The following FYB2 variants were observed in gnomAD, a reference collection of about 807,000 sequenced individuals.
FYB2 encodes FYN-binding protein 2.
A neutral mutation model predicts 94.1 loss-of-function variants in FYB2; 103 were observed. The observed-to-expected ratio is 1.09, with a 90% CI of 0.93 to 1.29. FYB2 has a LOEUF of 1.29. Among genes scored for constraint, FYB2 ranks in the 50% most tolerant of loss-of-function variants. FYB2 has a pLI of 0.00. For missense variants in FYB2, 896 were observed against 841.5 expected, an observed-to-expected ratio of 1.06 and a Z score of -0.80; for synonymous variants, 293 against 287.9, an observed-to-expected ratio of 1.02 and a Z score of -0.18.
At chr1:56,740,662 C>G (rs753887809) in intron 13 of FYB2, 35 bp downstream of exon 13, 1 of 1,274,752 alleles carries the variant, frequency 7.8e-7, no homozygotes, top group Non-Finnish European at 1.1e-6. Context: ...CCAGGTTAAT[C>G]CCCTCGTGGA....
chr1:56,756,024 G>T, intron 6 of FYB2, 97 bp from the exon 7 acceptor site: 2 of 1,200,668 alleles, frequency 1.7e-6, no homozygotes, highest in Non-Finnish European at 1.2e-6. Context: ...CAAAAGGTGA[G>T]GGGGATGAAG....
intron 4 of FYB2, among the ~76,000 whole-genome samples, chr1:56,768,868 A>T (rs540396650): frequency 6.6e-6 from 1 of 152,304 alleles, no homozygotes; most frequent in Non-Finnish European, 1.5e-5. Flanking sequence ...GAAGAATAAA[A>T]GCCATTAGGT....
chr1:56,735,695 G>A (rs949298444), intron 15 of FYB2, among the ~76,000 whole-genome samples: 9 of 151,922 alleles, frequency 5.9e-5, no homozygotes, highest in African/African-American at 1.9e-4. Context: ...TTTATAAGGG[G>A]TTCTTTCCCC....
intron 4 of FYB2, among the ~76,000 whole-genome samples, chr1:56,768,184 C>T (rs1557629604): frequency 6.6e-6 from 1 of 152,036 alleles, no homozygotes; most frequent in Non-Finnish European, 1.5e-5. Flanking sequence ...TCCCCAGGTG[C>T]CAGACATACA....
At chr1:56,818,008 T>G (rs192995524) in intron 1 of FYB2, among the ~76,000 whole-genome samples, 2 of 152,198 alleles carry the variant, frequency 1.3e-5, no homozygotes, top group South Asian at 4.1e-4. Flanking sequence ...TAGACCACAC[T>G]GTATTGTCAT....
At chr1:56,743,350 A>T (rs11206911) in intron 11 of FYB2, among the ~76,000 whole-genome samples, 22,185 of 152,046 alleles carry the variant, frequency 0.15, 1,764 homozygotes, top group East Asian at 0.33. Context: ...TTAAAAAGTC[A>T]CATAAGTATA....
At chr1:56,791,964 T>C in intron 2 of FYB2, 92 bp downstream of exon 2, 2 of 1,484,100 alleles carry the variant, frequency 1.3e-6, no homozygotes, top group Admixed American at 2.4e-5. Context: ...TCCCAGGTCA[T>C]ATACATAACC....
upstream of FYB2, among the ~76,000 whole-genome samples, chr1:56,821,360 T>C (rs146118914): frequency 6.0e-3 from 890 of 149,090 alleles, 6 homozygotes; most frequent in Non-Finnish European, 8.9e-3. Flanking sequence ...GCACTAATCA[T>C]TGGTAGCTGT....
chr1:56,739,044 A>C (rs998831099), intron 13 of FYB2, among the ~76,000 whole-genome samples: 1 of 152,060 alleles, frequency 6.6e-6, no homozygotes, highest in Non-Finnish European at 1.5e-5. Context: ...AGAGTCTGAG[A>C]TCTATAGCTA....
chr1:56,725,108 A>C (rs1644558288), intron 16 of FYB2, among the ~76,000 whole-genome samples: 1 of 152,032 alleles, frequency 6.6e-6, no homozygotes, highest in African/African-American at 2.4e-5. Context: ...CCTTCACCGA[A>C]GCAGATGCCA....
chr1:56,746,593 T>C (rs111853364), intron 9 of FYB2, among the ~76,000 whole-genome samples: 295 of 152,180 alleles, frequency 1.9e-3, no homozygotes, highest in African/African-American at 6.9e-3. Context: ...TTCAATATTA[T>C]GTTTGTGAGA....
At position 56,719,542 on chromosome 1, in the gene FYB2, G is replaced by T; in HGVS notation, c.*129C>A. On this transcript the variant is annotated 3_prime_UTR_variant, in exon 20 of 20. Transcript: ENST00000343433. ...TTTTTATTTTTCTCTTTTAAGTTCA[G>T]AACGAAAGTTTCCACAGATTCCACC... is the stretch of plus-strand genomic sequence containing the variant. The T allele has an allele frequency of 1.3e-6, 1 of 777,432 alleles. No homozygotes were observed. Among genetic ancestry groups the T allele is most frequent in the South Asian group, 2.1e-5 (1 of 46,906 alleles). The allele number at this position is 777,432 out of a possible 1,614,324, so 48.2% of individuals were successfully genotyped here. A position where few individuals can be genotyped will look rare whatever the true frequency, so the allele number is the denominator to read the frequency against.
chr1:56,765,715 G>A (rs543464393), intron 5 of FYB2, among the ~76,000 whole-genome samples: 1 of 152,214 alleles, frequency 6.6e-6, no homozygotes, highest in East Asian at 1.9e-4. Flanking sequence ...TGACATATTC[G>A]AGGCAAGAAG....
At chr1:56,783,217 A>T (rs2100912432) in intron 4 of FYB2, among the ~76,000 whole-genome samples, 1 of 152,312 alleles carries the variant, frequency 6.6e-6, no homozygotes, top group South Asian at 2.1e-4. Context: ...GATGACAATA[A>T]AGTAAATAAT....
In FYB2 at chr1:56,719,412, A is replaced by G. The variant is rs766340382; in HGVS notation, c.*259T>C. The G allele has an allele frequency of 4.8e-6, 2 of 414,282 alleles. No individual in the cohort carries two copies. Among genetic ancestry groups the G allele is most frequent in the Non-Finnish European group, 8.6e-6 (2 of 232,860 alleles). The allele number at this position is 414,282 out of a possible 1,614,324, so 25.7% of individuals were successfully genotyped here. ...TAAATAAGTGCTCAAATGCTAACAC[A>G]TACTGTTTCACATTCTCTTGAACTG... is the stretch of plus-strand genomic sequence containing the variant. On this transcript the variant is annotated 3_prime_UTR_variant, in exon 20 of 20. Coordinates refer to ENST00000343433, the MANE Select transcript of FYB2 (RefSeq NM_001004303.5).
chr1:56,741,342 G>T (rs1644947794), intron 12 of FYB2, among the ~76,000 whole-genome samples: 1 of 152,032 alleles, frequency 6.6e-6, no homozygotes, highest in African/African-American at 2.4e-5. Flanking sequence ...TAGAGGAAAA[G>T]ATAACTCAGG....
chr1:56,780,226 G>A (rs1181616078), intron 4 of FYB2, among the ~76,000 whole-genome samples: 1 of 152,116 alleles, frequency 6.6e-6, no homozygotes, highest in African/African-American at 2.4e-5. Flanking sequence ...GACTTTTCTG[G>A]CTTATCATCT....
intron 12 of FYB2, among the ~76,000 whole-genome samples, chr1:56,741,265 T>C (rs1423357231): frequency 6.6e-6 from 1 of 152,096 alleles, no homozygotes; most frequent in Non-Finnish European, 1.5e-5. Flanking sequence ...AAGGGAGTAA[T>C]GATATTTCAA....
chr1:56,772,395 A>T lies in FYB2; in HGVS notation c.954-4457T>A, dbSNP rs80116477. The stretch of plus-strand genomic sequence containing the variant: ...TGTTAAGAGGAAAAAAGAAGGTTGC[A>T]GATGTATTTTAACCTCCTTTTTTGT... On this transcript the variant is annotated intron_variant, in intron 4 of 19. Transcript: ENST00000343433. 7.1e-3 allele frequency among the ~76,000 whole-genome samples: 1,076 copies of T among 152,280 alleles called. 18 individuals carry two copies. Among genetic ancestry groups the T allele is most frequent in the African/African-American group, 0.025 (1,044 of 41,576 alleles).
Sources: allele counts gnomAD v4.1 joint callset (sites outside exome capture counted in the v4.1 genomes callset), GRCh38; gene constraint gnomAD v4.1.1; transcripts MANE v1.5; gene names NCBI Gene and HGNC (gene_info 2026-07-23, HGNC 2026-07-21).